The following TMEM17 variants were observed in gnomAD, a reference collection of about 807,000 sequenced individuals.
TMEM17 encodes the protein transmembrane protein 17.
TMEM17 carries 15 observed loss-of-function variants against 19.1 expected under a neutral mutation model. The ratio of observed to expected loss-of-function variants is 0.78; its 90% confidence interval spans 0.52 to 1.21. The LOEUF is 1.21. Ranked by LOEUF, TMEM17 falls within the 50% of genes most tolerant of loss-of-function variation. The pLI is 0.00. For synonymous variants in TMEM17, 103 were observed against 86.9 expected (o/e 1.19, Z -1.03); for missense variants, 245 against 242.3 (o/e 1.01, Z -0.07).
At chr2:62,467,274 G>T in the TMEM17 span, among the ~76,000 whole-genome samples, 2 of 142,984 alleles carry the variant, frequency 1.4e-5, no homozygotes, top group Non-Finnish European at 3.0e-5. Context: ...GCCCATGATT[G>T]CAGGATCCCC....
the TMEM17 span, among the ~76,000 whole-genome samples, chr2:62,462,337 T>A: frequency 6.6e-6 from 1 of 152,090 alleles, no homozygotes; most frequent in Non-Finnish European, 1.5e-5. Context: ...AAACCAGCAC[T>A]GCAGGACCCA....
the TMEM17 span, among the ~76,000 whole-genome samples, chr2:62,462,230 C>T: frequency 2.0e-5 from 3 of 152,270 alleles, no homozygotes; most frequent in South Asian, 2.1e-4. Context: ...CTCCCTTTGC[C>T]GCCATAGGGG....
the TMEM17 span, among the ~76,000 whole-genome samples, chr2:62,456,962 G>T: frequency 6.6e-6 from 1 of 152,360 alleles, no homozygotes; most frequent in Admixed American, 6.5e-5. Context: ...CCTTCTCCCA[G>T]CTCCCCTCCA....
rs765482712 is a variant in TMEM17, at chr2:62,506,055, G to C, written c.75C>G (p.Thr25=). 3.4e-5 allele frequency: 54 copies of C among 1,610,570 alleles called. No individual in the cohort carries two copies. The highest frequency in any genetic ancestry group is 4.5e-5 in the Non-Finnish European group (53 of 1,178,742). ...CCGGACCCTCATTGGACTCTGGACC[G>C]GTCCGATTGGAATCACTGAACACGG... is the stretch of plus-strand genomic sequence containing the variant. The part of the protein sequence containing the change: ...SRAVFSDSNR[T]GPESNEGPEN... Residue 25 remains threonine, a synonymous_variant, in exon 1 of 4, where the codon ACC becomes ACG. Coordinates refer to ENST00000335390, the MANE Select transcript of TMEM17 (RefSeq NM_198276.3).
At chr2:62,495,834 T>C (rs543466485), downstream of TMEM17, among the ~76,000 whole-genome samples, 6 of 152,344 alleles carry the variant, frequency 3.9e-5, no homozygotes, top group South Asian at 1.0e-3. Context: ...ATCACTATAA[T>C]ATTTCATGCT....
At chr2:62,457,144 T>C in the TMEM17 span, among the ~76,000 whole-genome samples, 1 of 152,244 alleles carries the variant, frequency 6.6e-6, no homozygotes, top group East Asian at 1.9e-4. This position sits in a 1 kb window ranked among gnomAD's most constrained non-coding sequence, Gnocchi z 4.2. Flanking sequence ...GCGGAAAGGG[T>C]CGCTGGGCTG....
chr2:62,496,043 T>A (rs1049595936), downstream of TMEM17, among the ~76,000 whole-genome samples: 3 of 152,026 alleles, frequency 2.0e-5, no homozygotes, highest in African/African-American at 7.2e-5. Flanking sequence ...AATTCAAAAA[T>A]CTTTTTTTTA....
At chr2:62,462,434 C>G in the TMEM17 span, among the ~76,000 whole-genome samples, 862 of 152,302 alleles carry the variant, frequency 5.7e-3, 11 homozygotes, top group African/African-American at 0.02. Context: ...CTGGCTTGGT[C>G]TACCCCACCC....
the TMEM17 span, among the ~76,000 whole-genome samples, chr2:62,479,370 A>G: frequency 1.3e-5 from 2 of 152,222 alleles, no homozygotes; most frequent in African/African-American, 2.4e-5. Context: ...AATGTCCTCC[A>G]GTTCCATCCA....
chr2:62,466,058 A>G, the TMEM17 span, among the ~76,000 whole-genome samples: 1 of 152,214 alleles, frequency 6.6e-6, no homozygotes, highest in Non-Finnish European at 1.5e-5. Flanking sequence ...CCTTTCAGAA[A>G]GGCCCAAATC....
chr2:62,466,638 C>T, the TMEM17 span, among the ~76,000 whole-genome samples: 1 of 152,178 alleles, frequency 6.6e-6, no homozygotes, highest in Admixed American at 6.5e-5. Context: ...GCCCTGGAAG[C>T]CTTAGGAAGC....
chr2:62,467,004 G>A, the TMEM17 span, among the ~76,000 whole-genome samples: 2 of 151,994 alleles, frequency 1.3e-5, no homozygotes, highest in Admixed American at 6.6e-5. Flanking sequence ...TATTTGAGAT[G>A]GAGTCTCGCT....
the TMEM17 span, among the ~76,000 whole-genome samples, chr2:62,467,410 TC>T: frequency 6.6e-6 from 1 of 152,156 alleles, no homozygotes; most frequent in Non-Finnish European, 1.5e-5. Context: ...AAAAGTCCCT[TC>T]CTACTTTAAC....
the TMEM17 span, among the ~76,000 whole-genome samples, chr2:62,457,885 C>T: frequency 6.6e-6 from 1 of 152,176 alleles, no homozygotes; most frequent in African/African-American, 2.4e-5. This position sits in a 1 kb window ranked among gnomAD's most constrained non-coding sequence, Gnocchi z 4.2. Context: ...GAGCTAAGAC[C>T]TTCATTTGTT....
At position 62,506,107 on chromosome 2, in the gene TMEM17, C is replaced by T. The variant is rs1277070237; in HGVS notation, c.23G>A (p.Arg8His). ...CCGGCTGAAGTTTCCCAGCCGCTGG[C>T]GCACCGGATCCGGCAGCTCCATGCC... MELPDPV[R>H]QRLGNFSRAV... Residue 8 changes from arginine (R) to histidine (H), a missense_variant, in exon 1 of 4, where the codon CGC becomes CAC. Physicochemically the swap from Arg to His is conservative, Grantham distance 29. Transcript: ENST00000335390. The T allele has an allele frequency of 1.1e-5, 18 of 1,610,806 alleles. No individual in the cohort carries two copies. Among genetic ancestry groups the T allele is most frequent in the Non-Finnish European group, 1.4e-5 (17 of 1,178,802 alleles).
chr2:62,454,788 C>G, the TMEM17 span, among the ~76,000 whole-genome samples: 1 of 152,160 alleles, frequency 6.6e-6, no homozygotes, highest in African/African-American at 2.4e-5. Flanking sequence ...ACTGCAAGCT[C>G]CGCCTCCTGG....
chr2:62,457,953 G>A, the TMEM17 span, among the ~76,000 whole-genome samples: 2 of 152,278 alleles, frequency 1.3e-5, no homozygotes, highest in African/African-American at 2.4e-5. This position sits in a 1 kb window ranked among gnomAD's most constrained non-coding sequence, Gnocchi z 4.2. Context: ...AGAGATTAGA[G>A]CCCAGATCTG....
At chr2:62,471,071 G>A in the TMEM17 span, among the ~76,000 whole-genome samples, 28 of 152,334 alleles carry the variant, frequency 1.8e-4, no homozygotes, top group Non-Finnish European at 3.1e-4. Context: ...TCTGGACTGC[G>A]GGTTCCAGGT....
At chr2:62,477,477 C>T in the TMEM17 span, among the ~76,000 whole-genome samples, 1 of 152,190 alleles carries the variant, frequency 6.6e-6, no homozygotes, top group Non-Finnish European at 1.5e-5. Flanking sequence ...CCCACTGGCC[C>T]CTGTTTGAGG....
Sources: gnomAD v4.1 joint callset for allele counts (sites outside exome capture counted in the v4.1 genomes callset) on GRCh38, gnomAD v4.1.1 for gene constraint, Gnocchi (gnomAD v3.1) non-coding constraint, MANE v1.5 for transcripts, NCBI Gene and HGNC (gene_info 2026-07-23, HGNC 2026-07-21) for gene names.